Variants in CSMD1 observed in about 807,000 individuals in gnomAD.
The protein encoded by CSMD1 is CUB and sushi domain-containing protein 1.
A neutral mutation model predicts 417.5 loss-of-function variants in CSMD1; 213 were observed. That is an observed-to-expected ratio of 0.51 (90% confidence interval 0.46 to 0.57). CSMD1 has a LOEUF of 0.57. Ranked by LOEUF, CSMD1 falls within the 20% of genes least tolerant of loss-of-function variation. The pLI, the probability that CSMD1 is intolerant of heterozygous loss-of-function variation, is 0.00. For synonymous variants in CSMD1, 2,862 were observed against 1,736.8 expected, an observed-to-expected ratio of 1.65 and a Z score of -16.11; for missense variants, 6,923 against 4,529.7, an observed-to-expected ratio of 1.53 and a Z score of -15.17.
At chr8:4,563,524 G>A (rs80073917) in intron 2 of CSMD1, among the ~76,000 whole-genome samples, 2 of 152,068 alleles carry the variant, frequency 1.3e-5, no homozygotes, top group Non-Finnish European at 2.9e-5. Flanking sequence ...CCTGCCCCAC[G>A]CACTGATACT....
At chr8:4,533,549 G>C (rs771564811) in intron 2 of CSMD1, among the ~76,000 whole-genome samples, 6 of 152,012 alleles carry the variant, frequency 3.9e-5, no homozygotes, top group Non-Finnish European at 5.9e-5. Context: ...ATATTCTTGG[G>C]AATTTTTTTT....
At chr8:3,518,524 A>G (rs1319499414) in intron 10 of CSMD1, among the ~76,000 whole-genome samples, 1 of 152,210 alleles carries the variant, frequency 6.6e-6, no homozygotes, top group Non-Finnish European at 1.5e-5. Flanking sequence ...GACTAAAATG[A>G]TCAATGATTG....
At chr8:3,424,997 G>C (rs936490331) in intron 12 of CSMD1, among the ~76,000 whole-genome samples, 2 of 152,064 alleles carry the variant, frequency 1.3e-5, no homozygotes, top group African/African-American at 2.4e-5. Flanking sequence ...ACCACACCCA[G>C]ATAATGATTT....
intron 5 of CSMD1, among the ~76,000 whole-genome samples, chr8:3,883,372 A>G (rs1806334671): frequency 6.6e-6 from 1 of 152,108 alleles, no homozygotes; most frequent in African/African-American, 2.4e-5. Context: ...TTTTCCAGCT[A>G]TCGATTTCTC....
rs528533649 is a variant in CSMD1 at position 4,537,251 on chromosome 8, T to C, written c.302+100091A>G. 2.1e-4 allele frequency among the ~76,000 whole-genome samples: 32 copies of C among 152,234 alleles called. 1 individual carries two copies. In the South Asian group the frequency reaches 6.0e-3, roughly 29 times the overall value. On this transcript the variant is annotated intron_variant, in intron 2 of 69. Coordinates refer to ENST00000635120, the MANE Select transcript of CSMD1 (RefSeq NM_033225.6). ...TTTAGAGGAAACTGACAAAATACAG[T>C]AGGTATTTTTAGAAATAAATTATCC...
At chr8:4,328,326 G>A (rs1014303808) in intron 3 of CSMD1, among the ~76,000 whole-genome samples, 17 of 143,668 alleles carry the variant, frequency 1.2e-4, no homozygotes, top group Admixed American at 9.6e-4. Flanking sequence ...TAAGTCAACT[G>A]TGCGGTCTGA....
chr8:4,932,222 T>C (rs1487813780), intron 1 of CSMD1, among the ~76,000 whole-genome samples: 2 of 149,970 alleles, frequency 1.3e-5, no homozygotes, highest in Non-Finnish European at 3.0e-5. Context: ...CTTCATTTTA[T>C]TTTGGGAAGA....
intron 2 of CSMD1, among the ~76,000 whole-genome samples, chr8:4,511,020 G>C (rs1040751451): frequency 6.6e-6 from 1 of 151,832 alleles, no homozygotes; most frequent in Non-Finnish European, 1.5e-5. Flanking sequence ...AACCTATGTG[G>C]CTGCCTTTTA....
chr8:3,680,060 C>G (rs1799572173), intron 7 of CSMD1, among the ~76,000 whole-genome samples: 1 of 152,018 alleles, frequency 6.6e-6, no homozygotes, highest in Admixed American at 6.6e-5. Flanking sequence ...ATTTATAACA[C>G]TAAATGCCCA....
intron 10 of CSMD1, among the ~76,000 whole-genome samples, chr8:3,536,792 C>G (rs1005950609): frequency 2.0e-5 from 3 of 152,158 alleles, no homozygotes; most frequent in Non-Finnish European, 2.9e-5. Flanking sequence ...ATCTCTTCAG[C>G]ACCGGGAATG....
chr8:4,200,003 C>T (rs1490277478), intron 3 of CSMD1, among the ~76,000 whole-genome samples: 2 of 152,070 alleles, frequency 1.3e-5, no homozygotes, highest in African/African-American at 4.8e-5. Context: ...AGTTCAAGGG[C>T]CCTGGACTTG....
chr8:4,432,990 G>T (rs1425003385), intron 2 of CSMD1, among the ~76,000 whole-genome samples: 2 of 152,090 alleles, frequency 1.3e-5, no homozygotes, highest in African/African-American at 4.8e-5. Flanking sequence ...CAGATCAGTG[G>T]GAGCATTACA....
chr8:3,128,931 T>C (rs1817650807), intron 41 of CSMD1: 1 of 436,046 alleles, frequency 2.3e-6, no homozygotes, highest in African/African-American at 2.1e-5. Flanking sequence ...AAAGCAGATC[T>C]AAGGGTATCT....
At chr8:3,018,970 T>G (rs927358651) in intron 51 of CSMD1, among the ~76,000 whole-genome samples, 4 of 152,156 alleles carry the variant, frequency 2.6e-5, no homozygotes, top group Non-Finnish European at 5.9e-5. Flanking sequence ...CAGGTTGGAG[T>G]GCAGTGGCGC....
intron 10 of CSMD1, among the ~76,000 whole-genome samples, chr8:3,537,073 A>C (rs976612877): frequency 6.6e-6 from 1 of 151,774 alleles, no homozygotes; most frequent in African/African-American, 2.4e-5. Flanking sequence ...GCACTATCTC[A>C]GCTCACTGCC....
At chr8:3,357,164 G>A (rs1808849981) in intron 21 of CSMD1, among the ~76,000 whole-genome samples, 4 of 152,170 alleles carry the variant, frequency 2.6e-5, no homozygotes, top group Non-Finnish European at 5.9e-5. Flanking sequence ...GCACCCGAAT[G>A]CACCAGAGGG....
At chr8:3,076,141 A>G (rs1813663975) in intron 49 of CSMD1, among the ~76,000 whole-genome samples, 2 of 152,176 alleles carry the variant, frequency 1.3e-5, no homozygotes, top group Non-Finnish European at 2.9e-5. Context: ...ATAACAACAC[A>G]CCACAGAACA....
intron 10 of CSMD1, among the ~76,000 whole-genome samples, chr8:3,512,749 T>C (rs1035644445): frequency 8.6e-5 from 13 of 151,838 alleles, no homozygotes; most frequent in Non-Finnish European, 1.9e-4. Context: ...GCTGGGACTA[T>C]AGGTGCATGC....
intron 1 of CSMD1, among the ~76,000 whole-genome samples, chr8:4,923,302 G>A (rs545678280): frequency 2.0e-5 from 3 of 152,092 alleles, no homozygotes; most frequent in African/African-American, 7.2e-5. Flanking sequence ...AAGGCAATGT[G>A]AGTTGATGCT....
Sources: allele counts gnomAD v4.1 joint callset (sites outside exome capture counted in the v4.1 genomes callset), GRCh38; gene constraint gnomAD v4.1.1; transcripts MANE v1.5; gene names NCBI Gene and HGNC (gene_info 2026-07-23, HGNC 2026-07-21).